ARPP21: variants seen among roughly 807,000 people sequenced by gnomAD.
ARPP21 encodes cAMP regulated phosphoprotein 21.
Under a neutral mutation model 113.2 loss-of-function variants are expected in ARPP21, and 69 were observed. The observed-to-expected ratio is 0.61, with a 90% CI of 0.50 to 0.74. ARPP21 has a LOEUF of 0.74. Among genes scored for constraint, ARPP21 ranks in the 30% least tolerant of loss-of-function variants. The pLI is 0.00. For synonymous variants in ARPP21, 368 were observed against 375.5 expected, an observed-to-expected ratio of 0.98 and a Z score of 0.23; for missense variants, 1,070 against 1,037.4, an observed-to-expected ratio of 1.03 and a Z score of -0.43.
At chr3:35,779,892 G>T (rs2151704798) in intron 19 of ARPP21, among the ~76,000 whole-genome samples, 1 of 151,992 alleles carries the variant, frequency 6.6e-6, no homozygotes, top group Non-Finnish European at 1.5e-5. Context: ...TTCCCTTTCT[G>T]GACCTGTCAT....
intron 1 of ARPP21, chr3:35,641,125 T>A (rs1447193938): frequency 7.9e-5 from 12 of 152,206 alleles, no homozygotes; most frequent in Admixed American, 7.9e-4. Flanking sequence ...GCAGTTATAT[T>A]TCTTAAAAGG....
At chr3:35,765,797 A>G (rs2095950952) in intron 19 of ARPP21, among the ~76,000 whole-genome samples, 1 of 152,176 alleles carries the variant, frequency 6.6e-6, no homozygotes, top group South Asian at 2.1e-4. Context: ...AAGCATAAGA[A>G]CTAAGGAATT....
At chr3:35,762,813 G>A (rs1325068517) in intron 19 of ARPP21, among the ~76,000 whole-genome samples, 2 of 152,038 alleles carry the variant, frequency 1.3e-5, no homozygotes, top group Non-Finnish European at 2.9e-5. Flanking sequence ...ATGTTTTAAT[G>A]GCTAGAAGTT....
chr3:35,741,341 T>C (rs1430014241), intron 18 of ARPP21, among the ~76,000 whole-genome samples: 1 of 152,212 alleles, frequency 6.6e-6, no homozygotes, highest in Non-Finnish European at 1.5e-5. Context: ...GAACTTCTTT[T>C]TGAAGAATCA....
intron 19 of ARPP21, among the ~76,000 whole-genome samples, chr3:35,760,112 G>T (rs1192481201): frequency 6.6e-6 from 1 of 152,026 alleles, no homozygotes; most frequent in Non-Finnish European, 1.5e-5. Flanking sequence ...CCCTAAAAAT[G>T]ACATGCCAGG....
At chr3:35,769,885 TTGGC>T (rs915613273) in intron 19 of ARPP21, among the ~76,000 whole-genome samples, 52 of 152,278 alleles carry the variant, frequency 3.4e-4, no homozygotes, top group African/African-American at 1.3e-3. Flanking sequence ...ATATGGTGGT[TTGGC>T]TTGAAAATGT....
At chr3:35,790,259 G>A (rs1380988927) in intron 19 of ARPP21, among the ~76,000 whole-genome samples, 3 of 152,182 alleles carry the variant, frequency 2.0e-5, no homozygotes, top group South Asian at 2.1e-4. Context: ...ATGGACTTGA[G>A]AATGAGTGTA....
intron 11 of ARPP21, among the ~76,000 whole-genome samples, chr3:35,712,643 AT>A (rs2091523595): frequency 6.6e-6 from 1 of 150,738 alleles, no homozygotes; most frequent in African/African-American, 2.4e-5. Flanking sequence ...TGCTTTGGGG[AT>A]TTTCCAGAAA....
chr3:35,724,737 G>GT (rs1322805558), intron 14 of ARPP21, among the ~76,000 whole-genome samples: 1 of 152,150 alleles, frequency 6.6e-6, no homozygotes, highest in African/African-American at 2.4e-5. Flanking sequence ...ATCCTGGAGT[G>GT]TTTTTTGATC....
intron 3 of ARPP21, chr3:35,682,547 A>G (rs2079226944): frequency 6.3e-6 from 2 of 315,428 alleles, no homozygotes; most frequent in Non-Finnish European, 5.7e-6. Flanking sequence ...ACCAACAGTT[A>G]ACAAAGGCAG....
intron 15 of ARPP21, among the ~76,000 whole-genome samples, chr3:35,730,836 A>G (rs980442919): frequency 6.6e-6 from 1 of 152,236 alleles, no homozygotes; most frequent in Non-Finnish European, 1.5e-5. Flanking sequence ...TTCCCAAGTC[A>G]TGGTGTTTGA....
chr3:35,720,652 G>A (rs963828037), intron 13 of ARPP21, among the ~76,000 whole-genome samples: 1 of 152,070 alleles, frequency 6.6e-6, no homozygotes, highest in Non-Finnish European at 1.5e-5. Context: ...TTCAGAAAAA[G>A]CTTTGAATTT....
In ARPP21 at chr3:35,727,317, A is replaced by G. The variant is rs1215254682; in HGVS notation, c.1226-1986A>G. ...GCACAGACCAAATTCCAGCTCTGCC[A>G]TTATCTAGCTATATCTAGCTGACCT... On this transcript the variant is annotated intron_variant, in intron 14 of 20. Transcript: ENST00000684406. Among the ~76,000 whole-genome samples, 5 of 152,208 alleles carry G rather than the reference A, an allele frequency of 3.3e-5. 1 individual carries two copies. The highest frequency in any genetic ancestry group is 2.6e-4 in the Admixed American group (4 of 15,286).
At position 35,717,373 on chromosome 3, in the gene ARPP21, T is replaced by G. The variant is rs2092556973; in HGVS notation, c.995+16T>G. 4 of 1,526,520 alleles carry G rather than the reference T, an allele frequency of 2.6e-6. No homozygotes were observed. The highest frequency in any genetic ancestry group is 3.6e-6 in the Non-Finnish European group (4 of 1,101,222). 94.6% of individuals were successfully genotyped at this position (1,526,520 alleles called of 1,614,324 possible). A position where few individuals can be genotyped will look rare whatever the true frequency, so the allele number is the denominator to read the frequency against. Reference sequence around the variant, plus strand: ...AGCTCTTTCGGTTGGTATGGTTTACTTTCTTAAACTGTGTTTTTTTCAAAT... The same window carrying G: ...AGCTCTTTCGGTTGGTATGGTTTACGTTCTTAAACTGTGTTTTTTTCAAAT... On this transcript the variant is annotated intron_variant, in intron 13 of 20. Transcript: ENST00000684406.
chr3:35,747,998 AAAGG>A (rs1559836401), intron 19 of ARPP21, among the ~76,000 whole-genome samples: 1 of 147,260 alleles, frequency 6.8e-6, no homozygotes, highest in Non-Finnish European at 1.5e-5. Context: ...AGGAAGGAAG[AAAGG>A]AAGGAAGGAA....
At chr3:35,710,255 T>C (rs1261935459) in intron 11 of ARPP21, among the ~76,000 whole-genome samples, 2 of 152,118 alleles carry the variant, frequency 1.3e-5, no homozygotes, top group African/African-American at 4.8e-5. Context: ...GGATGCAATT[T>C]TAGGAGACTC....
chr3:35,762,015 A>G (rs2095795671), intron 19 of ARPP21, among the ~76,000 whole-genome samples: 1 of 151,960 alleles, frequency 6.6e-6, no homozygotes, highest in Non-Finnish European at 1.5e-5. Flanking sequence ...ACATGTTTAA[A>G]TAACAAAGAA....
At chr3:35,793,673 C>T (rs760336808) in intron 20 of ARPP21, 28 bp from the exon 21 acceptor site, 1 of 1,584,520 alleles carries the variant, frequency 6.3e-7, no homozygotes, top group Non-Finnish European at 8.7e-7. Context: ...TCTCTTCATA[C>T]AGGGTTCTTG....
chr3:35,638,922 T>A (rs1416556601), upstream of ARPP21: 3 of 152,126 alleles, frequency 2.0e-5, no homozygotes, highest in Admixed American at 2.0e-4. Context: ...GGCGAGGTGT[T>A]ATTATTGTGG....
Sources: gnomAD v4.1 joint callset for allele counts (sites outside exome capture counted in the v4.1 genomes callset) on GRCh38, gnomAD v4.1.1 for gene constraint, MANE v1.5 for transcripts, NCBI Gene and HGNC (gene_info 2026-07-23, HGNC 2026-07-21) for gene names.